POF1B: variants seen among roughly 807,000 people sequenced by gnomAD.
The protein encoded by POF1B is protein POF1B.
In POF1B, 53 loss-of-function variants were observed where a neutral mutation model predicts 55.3. The observed-to-expected ratio is 0.96, with a 90% confidence interval of 0.77 to 1.20. The LOEUF is 1.20. Ranked by LOEUF, POF1B falls within the 50% of genes most tolerant of loss-of-function variation. POF1B has a pLI of 0.00. For missense variants in POF1B, 478 were observed against 420.5 expected (o/e 1.14, Z -1.20); for synonymous variants, 188 against 148.3 (o/e 1.27, Z -1.95).
intron 7 of POF1B, among the ~76,000 whole-genome samples, chrX:85,326,326 C>G (rs1437368277): frequency 9.1e-6 from 1 of 110,064 alleles, no homozygotes; most frequent in Non-Finnish European, 1.9e-5. Flanking sequence ...TGCGTTTGCC[C>G]GGCAGTGGTG....
chrX:85,305,770 T>G, intron 13 of POF1B, 21 bp downstream of exon 13: 8 of 1,204,016 alleles, frequency 6.6e-6, no homozygotes, highest in Non-Finnish European at 9.0e-6. Flanking sequence ...TGTGTATTTA[T>G]GCAATGTAGG....
At chrX:85,352,306 C>A (rs1443115402) in intron 4 of POF1B, among the ~76,000 whole-genome samples, 1 of 110,890 alleles carries the variant, frequency 9.0e-6, no homozygotes, top group Admixed American at 9.7e-5. Flanking sequence ...AATTTGCATT[C>A]ATTTATTTTG....
At chrX:85,344,881 T>C (rs1933240824) in intron 6 of POF1B, among the ~76,000 whole-genome samples, 1 of 111,718 alleles carries the variant, frequency 9.0e-6, no homozygotes, top group Non-Finnish European at 1.9e-5. Flanking sequence ...CCTACCAAAG[T>C]GCTGGAAATG....
Position 85,358,135 on chromosome X carries a change from C to T in POF1B, c.438+1415G>A, listed in dbSNP as rs556979406. Among the ~76,000 whole-genome samples, 116 of 111,431 alleles carry T rather than the reference C, an allele frequency of 1.0e-3. No homozygotes were observed. The South Asian group carries it at 0.039, about 38-fold the overall frequency. On this transcript the variant is annotated intron_variant, in intron 4 of 16. Coordinates refer to ENST00000262753, the MANE Select transcript of POF1B (RefSeq NM_024921.4). The stretch of plus-strand genomic sequence containing the variant: ...AGCATCAGAAGACCTGAGCAAGTTA[C>T]GCTTATTCAAACTTTCATTTCCTTA...
At chrX:85,332,494 T>G (rs1288018655) in intron 6 of POF1B, among the ~76,000 whole-genome samples, 3 of 111,076 alleles carry the variant, frequency 2.7e-5, no homozygotes, top group Non-Finnish European at 3.8e-5. Flanking sequence ...TAGGTTACAC[T>G]CCATACTACT....
rs758507048 is a variant in POF1B, at chrX:85,277,570, C to T, written c.*1851G>A. ...TACACATTAAGCATCCCCAGTTCCC[C>T]TCGCACACCCCTTTTCCCAGCCACT... is the stretch of plus-strand genomic sequence containing the variant. On this transcript the variant is annotated 3_prime_UTR_variant, in exon 17 of 17. Transcript: ENST00000262753. 1 of 110,435 alleles carries T rather than the reference C, an allele frequency of 9.1e-6. No individual in the cohort carries two copies. Among genetic ancestry groups the T allele is most frequent in the East Asian group, 2.9e-4 (1 of 3,478 alleles). The allele number at this position is 110,435 out of a possible 1,213,427, so 9.1% of individuals were successfully genotyped here.
At chrX:85,358,109 T>G (rs1212783850) in intron 4 of POF1B, among the ~76,000 whole-genome samples, 1 of 111,256 alleles carries the variant, frequency 9.0e-6, no homozygotes, top group Non-Finnish European at 1.9e-5. Context: ...AGTGATGAAT[T>G]AGCATCAGAA....
At chrX:85,306,107 T>C in intron 12 of POF1B, 74 bp downstream of exon 12, 1 of 1,022,298 alleles carries the variant, frequency 9.8e-7, no homozygotes, top group Non-Finnish European at 1.3e-6. Context: ...AAGCAGTCCA[T>C]ATGTTTTCTA....
At chrX:85,287,917 CAA>C (rs1271193178) in intron 15 of POF1B, among the ~76,000 whole-genome samples, 1 of 111,186 alleles carries the variant, frequency 9.0e-6, no homozygotes, top group Non-Finnish European at 1.9e-5. Flanking sequence ...ATCCCAGTAA[CAA>C]AAGTTTGGTT....
chrX:85,354,018 G>C (rs761659299), intron 4 of POF1B, among the ~76,000 whole-genome samples: 1 of 110,484 alleles, frequency 9.1e-6, no homozygotes, highest in Non-Finnish European at 1.9e-5. Context: ...AAGTATAATG[G>C]GAAAAAAATT....
At chrX:85,306,700 T>C (rs1932583118) in intron 11 of POF1B, among the ~76,000 whole-genome samples, 1 of 111,467 alleles carries the variant, frequency 9.0e-6, no homozygotes, top group South Asian at 3.7e-4. Context: ...GGGACAGCCA[T>C]AGGAGTAAAG....
intron 7 of POF1B, among the ~76,000 whole-genome samples, chrX:85,323,525 G>A (rs1603047084): frequency 1.8e-5 from 2 of 108,158 alleles, no homozygotes; most frequent in East Asian, 5.9e-4. Context: ...CAGCACACCA[G>A]CATGGCACAT....
intron 9 of POF1B, among the ~76,000 whole-genome samples, chrX:85,309,184 G>A (rs992047998): frequency 3.6e-5 from 4 of 109,866 alleles, no homozygotes; most frequent in Admixed American, 9.7e-5. Flanking sequence ...GACTGATAAC[G>A]GGCCACTACT....
intron 4 of POF1B, among the ~76,000 whole-genome samples, chrX:85,356,049 G>T (rs1933488896): frequency 9.0e-6 from 1 of 111,264 alleles, no homozygotes; most frequent in Non-Finnish European, 1.9e-5. Context: ...GCAAAGACTT[G>T]GAACCAACCC....
intron 1 of POF1B, 32 bp from the exon 2 acceptor site, chrX:85,379,527 A>T: frequency 9.1e-7 from 1 of 1,098,151 alleles, no homozygotes; most frequent in Admixed American, 2.6e-5. Flanking sequence ...ATAATGGAAA[A>T]AAAAGACAGG....
At chrX:85,308,768 C>T (rs764379877) in intron 9 of POF1B, among the ~76,000 whole-genome samples, 12 of 110,990 alleles carry the variant, frequency 1.1e-4, no homozygotes, top group Non-Finnish European at 2.3e-4. Context: ...ATCTCTGCCC[C>T]CTGGGTTCAA....
intron 7 of POF1B, among the ~76,000 whole-genome samples, chrX:85,323,934 C>T (rs1244748088): frequency 4.5e-5 from 5 of 111,914 alleles, no homozygotes; most frequent in African/African-American, 1.3e-4. Flanking sequence ...TCATTCGTTT[C>T]AAAGAATTTC....
At chrX:85,361,527 C>T (rs973165848) in intron 3 of POF1B, among the ~76,000 whole-genome samples, 13 of 110,744 alleles carry the variant, frequency 1.2e-4, no homozygotes, top group African/African-American at 2.6e-4. Context: ...TGTAGGTGTG[C>T]GGCCTTTTTT....
chrX:85,279,331 T>C lies in POF1B; in HGVS notation c.*90A>G. The C allele has an allele frequency of 1.1e-6, 1 of 941,730 alleles. No individual in the cohort carries two copies. Among genetic ancestry groups the C allele is most frequent in the Non-Finnish European group, 1.5e-6 (1 of 672,725 alleles). 77.6% of individuals were successfully genotyped at this position (941,730 alleles called of 1,213,427 possible). A position where few individuals can be genotyped will look rare whatever the true frequency, so the allele number is the denominator to read the frequency against. On this transcript the variant is annotated 3_prime_UTR_variant, in exon 17 of 17. Coordinates refer to ENST00000262753, the MANE Select transcript of POF1B (RefSeq NM_024921.4). Reference sequence around the variant, plus strand: ...ATGGTTCCAAATTCTGATTGGCCTTTAGTGATGGAAAAATAACAAAGTACT... The same window carrying C: ...ATGGTTCCAAATTCTGATTGGCCTTCAGTGATGGAAAAATAACAAAGTACT...
Sources: allele counts gnomAD v4.1 joint callset (sites outside exome capture counted in the v4.1 genomes callset), GRCh38; gene constraint gnomAD v4.1.1; transcripts MANE v1.5; gene names NCBI Gene and HGNC (gene_info 2026-07-23, HGNC 2026-07-21).